CNTN1: variants seen among roughly 807,000 people sequenced by gnomAD.
The protein encoded by CNTN1 is contactin 1.
CNTN1 carries 38 observed loss-of-function variants against 126.4 expected under a neutral mutation model. That is an observed-to-expected ratio of 0.30 (90% CI 0.23 to 0.39). The LOEUF (loss-of-function observed/expected upper bound fraction) is 0.39. Ranked by LOEUF, CNTN1 falls within the 10% of genes least tolerant of loss-of-function variation. CNTN1 has a pLI of 1.00. For missense variants in CNTN1, 1,009 were observed against 1,248.4 expected (o/e 0.81, Z 2.89); for synonymous variants, 413 against 422.6 (o/e 0.98, Z 0.28).
intron 23 of CNTN1, among the ~76,000 whole-genome samples, chr12:41,054,847 A>G (rs570054982): frequency 6.6e-6 from 1 of 152,200 alleles, no homozygotes; most frequent in Admixed American, 6.5e-5. Context: ...TATTGTTTCA[A>G]TCATTTAATA....
intron 1 of CNTN1, among the ~76,000 whole-genome samples, chr12:40,792,974 G>A (rs1475524282): frequency 2.0e-5 from 3 of 152,008 alleles, no homozygotes; most frequent in Non-Finnish European, 4.4e-5. Flanking sequence ...CATTTGTAGG[G>A]AAAATCTACA....
chr12:40,695,138 A>G (rs1941420067), intron 1 of CNTN1, among the ~76,000 whole-genome samples: 1 of 152,236 alleles, frequency 6.6e-6, no homozygotes, highest in Non-Finnish European at 1.5e-5. Context: ...GCAGAAAAAG[A>G]CTACACTTAT....
intron 14 of CNTN1, among the ~76,000 whole-genome samples, chr12:40,956,007 G>C (rs924379699): frequency 6.6e-6 from 1 of 152,040 alleles, no homozygotes; most frequent in Non-Finnish European, 1.5e-5. Context: ...GGAGGCTGAA[G>C]GTGTGTGTAC....
At chr12:41,013,996 G>A (rs1010480623) in intron 17 of CNTN1, among the ~76,000 whole-genome samples, 1 of 152,122 alleles carries the variant, frequency 6.6e-6, no homozygotes, top group African/African-American at 2.4e-5. Flanking sequence ...GACAGGAAAT[G>A]GGCACACTTC....
At chr12:40,888,098 G>A (rs949323898) in intron 1 of CNTN1, among the ~76,000 whole-genome samples, 2 of 151,782 alleles carry the variant, frequency 1.3e-5, no homozygotes, top group Non-Finnish European at 2.9e-5. Flanking sequence ...ACACCAACAT[G>A]GCACATGTAT....
chr12:40,798,515 C>T (rs1035675124), intron 1 of CNTN1, among the ~76,000 whole-genome samples: 9 of 151,670 alleles, frequency 5.9e-5, no homozygotes, highest in Admixed American at 2.0e-4. Flanking sequence ...CAATGGATTA[C>T]GAAGGCCCAA....
chr12:41,049,249 C>T (rs909741735), intron 23 of CNTN1, among the ~76,000 whole-genome samples: 2 of 152,208 alleles, frequency 1.3e-5, no homozygotes, highest in African/African-American at 4.8e-5. Flanking sequence ...CTCATGCAGT[C>T]TCGAGGCTTT....
At chr12:40,721,675 A>G (rs547282453) in intron 1 of CNTN1, among the ~76,000 whole-genome samples, 5 of 139,824 alleles carry the variant, frequency 3.6e-5, no homozygotes, top group East Asian at 2.2e-4. Context: ...AGCATTAGGT[A>G]TATCTCCTAA....
chr12:40,968,658 G>A (rs1566059757), intron 15 of CNTN1, among the ~76,000 whole-genome samples: 5 of 151,966 alleles, frequency 3.3e-5, no homozygotes, highest in South Asian at 2.1e-4. Context: ...ATTTTACCAC[G>A]TCATCCTACA....
intron 1 of CNTN1, among the ~76,000 whole-genome samples, chr12:40,732,949 A>C (rs1942536073): frequency 6.6e-6 from 1 of 151,974 alleles, no homozygotes; most frequent in Non-Finnish European, 1.5e-5. Flanking sequence ...AATTAGCTGC[A>C]AAAGTTACAA....
At chr12:40,778,344 C>T (rs889153808) in intron 1 of CNTN1, among the ~76,000 whole-genome samples, 4 of 151,806 alleles carry the variant, frequency 2.6e-5, no homozygotes, top group Non-Finnish European at 4.4e-5. Flanking sequence ...TAGCCACATG[C>T]ATTCATTTAT....
chr12:40,813,381 TC>T (rs1295365222), intron 1 of CNTN1, among the ~76,000 whole-genome samples: 1 of 151,966 alleles, frequency 6.6e-6, no homozygotes, highest in Non-Finnish European at 1.5e-5. Context: ...TATGTGTTGT[TC>T]CCCTCTTTGT....
At position 40,929,353 on chromosome 12, in the gene CNTN1, CAAAA is replaced by C. The variant is rs746133164; in HGVS notation, c.497-435_497-432del. Among the ~76,000 whole-genome samples the C allele has an allele frequency of 3.3e-4, 44 of 135,028 alleles. No homozygotes were observed. The East Asian group carries it at 8.4e-3, about 26-fold the overall frequency. 88.6% of individuals were successfully genotyped at this position (135,028 alleles called of 152,430 possible). On this transcript the variant is annotated intron_variant, in intron 6 of 23. Coordinates refer to ENST00000551295, the MANE Select transcript of CNTN1 (RefSeq NM_001843.4). ...AAATAGGTGCACACACACACACACA[CAAAA>C]AAAAAAAGATAAAGCAATAATATGG...
At chr12:40,711,578 C>T (rs1037750988) in intron 1 of CNTN1, among the ~76,000 whole-genome samples, 6 of 152,166 alleles carry the variant, frequency 3.9e-5, no homozygotes, top group Non-Finnish European at 5.9e-5. Flanking sequence ...ATTAAACAAA[C>T]GAAAACTCTC....
In CNTN1 at chr12:41,070,087, C is replaced by T. The variant is rs747196413; in HGVS notation, c.*52C>T. On this transcript the variant is annotated 3_prime_UTR_variant, in exon 24 of 24. Coordinates refer to ENST00000551295, the MANE Select transcript of CNTN1 (RefSeq NM_001843.4). ...TCCCAGCTCAGAAGACACCCTTCAA[C>T]CCTGGGATGACCACAATTCCTTCCA... 10 of 1,503,612 alleles carry T rather than the reference C, an allele frequency of 6.7e-6. No individual in the cohort carries two copies. The Admixed American group carries it at 1.2e-4, about 18-fold the overall frequency. The allele number at this position is 1,503,612 out of a possible 1,614,324, so 93.1% of individuals were successfully genotyped here. A position where few individuals can be genotyped will look rare whatever the true frequency, so the allele number is the denominator to read the frequency against.
At chr12:40,954,967 C>T (rs916742900) in intron 14 of CNTN1, among the ~76,000 whole-genome samples, 2 of 152,036 alleles carry the variant, frequency 1.3e-5, no homozygotes, top group African/African-American at 4.8e-5. Context: ...TCATTGCTCA[C>T]ATGGTTAATC....
At chr12:40,696,333 A>C (rs1309446343) in intron 1 of CNTN1, among the ~76,000 whole-genome samples, 1 of 152,178 alleles carries the variant, frequency 6.6e-6, no homozygotes, top group African/African-American at 2.4e-5. Context: ...AGTGTTCACC[A>C]TATAGTCAGT....
intron 1 of CNTN1, among the ~76,000 whole-genome samples, chr12:40,783,588 A>T (rs1939887953): frequency 6.6e-6 from 1 of 152,100 alleles, no homozygotes; most frequent in African/African-American, 2.4e-5. Context: ...GACTTCTCTT[A>T]CCTTAAGCAT....
At chr12:40,769,886 T>TTA (rs1457375805) in intron 1 of CNTN1, among the ~76,000 whole-genome samples, 1 of 152,124 alleles carries the variant, frequency 6.6e-6, no homozygotes, top group Non-Finnish European at 1.5e-5. Flanking sequence ...CAGTAATTAG[T>TTA]TATGTGTAAA....
Sources: gnomAD v4.1 joint callset for allele counts (sites outside exome capture counted in the v4.1 genomes callset) on GRCh38, gnomAD v4.1.1 for gene constraint, MANE v1.5 for transcripts, NCBI Gene and HGNC (gene_info 2026-07-23, HGNC 2026-07-21) for gene names.